Variants in SLC12A8 observed in about 807,000 individuals in gnomAD.
SLC12A8 encodes cation-chloride cotransporter 9.
In SLC12A8, 69 loss-of-function variants were observed where a neutral mutation model predicts 75.6. The observed-to-expected ratio is 0.91, with a 90% CI of 0.75 to 1.11. SLC12A8 has a LOEUF of 1.11. Ranked by LOEUF, SLC12A8 falls within the 50% of genes most tolerant of loss-of-function variation. The pLI is 0.00. For synonymous variants in SLC12A8, 365 were observed against 372.8 expected (o/e 0.98, Z 0.24); for missense variants, 877 against 896.7 (o/e 0.98, Z 0.28).
chr3:125,086,040 G>C (rs1938452739), intron 13 of SLC12A8, among the ~76,000 whole-genome samples: 1 of 151,890 alleles, frequency 6.6e-6, no homozygotes, highest in Non-Finnish European at 1.5e-5. Context: ...CAGTACCTGG[G>C]ACTATAGGCA....
intron 2 of SLC12A8, among the ~76,000 whole-genome samples, chr3:125,194,499 C>T (rs941091232): frequency 1.3e-5 from 2 of 152,194 alleles, no homozygotes; most frequent in Non-Finnish European, 2.9e-5. Flanking sequence ...GTAGGAAATA[C>T]TCTCAATCCT....
intron 2 of SLC12A8, among the ~76,000 whole-genome samples, chr3:125,210,876 G>GA (rs890434953): frequency 1.1e-4 from 16 of 151,318 alleles, no homozygotes; most frequent in Admixed American, 2.0e-4. Flanking sequence ...GAAAAAAGAA[G>GA]AAAAAAAAAT....
intron 2 of SLC12A8, among the ~76,000 whole-genome samples, chr3:125,201,702 G>GAA (rs141256499): frequency 3.8e-4 from 36 of 95,500 alleles, no homozygotes; most frequent in Non-Finnish European, 5.2e-4. Flanking sequence ...AGCCATGATT[G>GAA]AAAAAAAAAA....
chr3:125,147,571 C>A (rs1329927276), intron 5 of SLC12A8, among the ~76,000 whole-genome samples: 2 of 152,188 alleles, frequency 1.3e-5, no homozygotes, highest in African/African-American at 4.8e-5. Context: ...CTCCGGATCC[C>A]CTCCTCATCC....
intron 5 of SLC12A8, among the ~76,000 whole-genome samples, chr3:125,159,192 T>C (rs1470423795): frequency 6.6e-6 from 1 of 152,232 alleles, no homozygotes; most frequent in Non-Finnish European, 1.5e-5. Flanking sequence ...ACCAGACTTA[T>C]CAGTTAAGAT....
intron 5 of SLC12A8, chr3:125,151,681 C>T (rs1933928515): frequency 6.6e-6 from 1 of 152,242 alleles, no homozygotes; most frequent in Non-Finnish European, 1.5e-5. Context: ...GGAGGATGAC[C>T]ACGATAACAA....
intron 2 of SLC12A8, among the ~76,000 whole-genome samples, chr3:125,197,981 G>T (rs76452241): frequency 6.6e-6 from 1 of 152,130 alleles, no homozygotes; most frequent in Non-Finnish European, 1.5e-5. Flanking sequence ...CTTTAGAGGG[G>T]ATTAACCTAG....
At chr3:125,139,458 T>C (rs1933573584) in intron 5 of SLC12A8, among the ~76,000 whole-genome samples, 1 of 152,068 alleles carries the variant, frequency 6.6e-6, no homozygotes. Flanking sequence ...TGCCCCTATT[T>C]TCCCAGGCCC....
chr3:125,155,793 AGCAGG>A (rs1934036518), intron 5 of SLC12A8, among the ~76,000 whole-genome samples: 1 of 144,362 alleles, frequency 6.9e-6, no homozygotes, highest in Admixed American at 7.2e-5. Flanking sequence ...AAGGACTAAG[AGCAGG>A]GTAACAGTTG....
At chr3:125,152,467 C>G (rs1230021875) in intron 5 of SLC12A8, among the ~76,000 whole-genome samples, 1 of 152,208 alleles carries the variant, frequency 6.6e-6, no homozygotes, top group African/African-American at 2.4e-5. Flanking sequence ...AGTGTCATAT[C>G]TTTAAAAGTC....
intron 2 of SLC12A8, among the ~76,000 whole-genome samples, chr3:125,195,257 G>T (rs1400521518): frequency 6.6e-6 from 1 of 152,234 alleles, no homozygotes; most frequent in East Asian, 1.9e-4. Context: ...CCTGAAAGCT[G>T]CATCTCTAAC....
At chr3:125,136,275 C>T (rs1933491335) in intron 5 of SLC12A8, among the ~76,000 whole-genome samples, 1 of 152,120 alleles carries the variant, frequency 6.6e-6, no homozygotes, top group South Asian at 2.1e-4. Context: ...TTCTCCTCCC[C>T]AGCAGCCACA....
intron 12 of SLC12A8, among the ~76,000 whole-genome samples, chr3:125,091,165 T>G (rs1938569386): frequency 6.6e-6 from 1 of 152,224 alleles, no homozygotes; most frequent in South Asian, 2.1e-4. Flanking sequence ...ATAAGAAACT[T>G]ACAACAGTAT....
intron 8 of SLC12A8, among the ~76,000 whole-genome samples, chr3:125,111,397 C>G (rs1372454292): frequency 6.6e-6 from 1 of 152,176 alleles, no homozygotes; most frequent in Non-Finnish European, 1.5e-5. Flanking sequence ...TGACTGCTTG[C>G]CATGCACAGC....
At chr3:125,168,407 G>A (rs1656090550) in intron 5 of SLC12A8, among the ~76,000 whole-genome samples, 1 of 152,160 alleles carries the variant, frequency 6.6e-6, no homozygotes, top group Non-Finnish European at 1.5e-5. Flanking sequence ...TGCCCAGACA[G>A]CCAGGTAGAG....
chr3:125,095,511 C>T (rs1938692181), intron 10 of SLC12A8, among the ~76,000 whole-genome samples: 1 of 152,220 alleles, frequency 6.6e-6, no homozygotes, highest in Non-Finnish European at 1.5e-5. Flanking sequence ...GTGGTACAGA[C>T]CCCAGCTAGA....
At chr3:125,124,979 A>G (rs1471327692) in intron 6 of SLC12A8, among the ~76,000 whole-genome samples, 1 of 152,176 alleles carries the variant, frequency 6.6e-6, no homozygotes, top group Non-Finnish European at 1.5e-5. Flanking sequence ...CCACAATTGA[A>G]AATAAGGTTG....
intron 6 of SLC12A8, among the ~76,000 whole-genome samples, chr3:125,127,294 T>C (rs1933231435): frequency 6.6e-6 from 1 of 152,218 alleles, no homozygotes; most frequent in African/African-American, 2.4e-5. Flanking sequence ...CTCAATGTTT[T>C]AGAGATGCTG....
chr3:125,191,669 G>A (rs1021277653), intron 2 of SLC12A8, among the ~76,000 whole-genome samples: 3 of 152,228 alleles, frequency 2.0e-5, no homozygotes, highest in Non-Finnish European at 4.4e-5. Flanking sequence ...AACAATGGGT[G>A]CGCCCAGGAT....
Sources: allele counts gnomAD v4.1 joint callset (sites outside exome capture counted in the v4.1 genomes callset), GRCh38; gene constraint gnomAD v4.1.1; transcripts MANE v1.5; gene names NCBI Gene and HGNC (gene_info 2026-07-23, HGNC 2026-07-21).